The following FSTL3 variants were observed in gnomAD, a reference collection of about 807,000 sequenced individuals.
The protein encoded by FSTL3 is follistatin-related protein 3.
Under a neutral mutation model 28.1 loss-of-function variants are expected in FSTL3, and 21 were observed. The ratio of observed to expected loss-of-function variants is 0.75; its 90% CI spans 0.53 to 1.08. FSTL3 has a LOEUF of 1.08. Among genes scored for constraint, FSTL3 ranks in the 50% least tolerant of loss-of-function variants. The probability of loss-of-function intolerance (pLI) is 0.00; values close to 1 mark genes in which losing one functional copy is unlikely to be tolerated. For synonymous variants in FSTL3, 199 were observed against 164.2 expected (o/e 1.21, Z -1.62); for missense variants, 400 against 380.9 (o/e 1.05, Z -0.42).
intron 2 of FSTL3, among the ~76,000 whole-genome samples, chr19:679,236 C>T (rs1399092638): frequency 6.6e-6 from 1 of 152,174 alleles, no homozygotes; most frequent in Non-Finnish European, 1.5e-5. Context: ...TTCTCGCTCG[C>T]ATAAAAGCCA....
intron 2 of FSTL3, 36 bp from the exon 3 acceptor site, chr19:680,238 C>A (rs1257506050): frequency 6.9e-6 from 9 of 1,301,094 alleles, no homozygotes; most frequent in South Asian, 1.8e-5. Flanking sequence ...GGGACCCTCC[C>A]GCGCCCGGCC....
chr19:680,266 GT>G lies in FSTL3; in HGVS notation c.290-7del, dbSNP rs2031299479. 1 of 1,337,346 alleles carries G rather than the reference GT, an allele frequency of 7.5e-7. No individual in the cohort carries two copies. Among genetic ancestry groups the G allele is most frequent in the Admixed American group, 3.5e-5 (1 of 28,264 alleles). 82.8% of individuals were successfully genotyped at this position (1,337,346 alleles called of 1,614,324 possible). ...GCCCGGCCCCACGCGCGTGTCCTCT[GT>G]CCGCAGATTCGTGCGACGGCGTGGA... On this transcript the variant is annotated splice_region_variant and splice_polypyrimidine_tract_variant and intron_variant, in intron 2 of 4. Coordinates refer to ENST00000166139, the MANE Select transcript of FSTL3 (RefSeq NM_005860.3).
chr19:677,733 G>A (rs1169106335), intron 1 of FSTL3, 59 bp from the exon 2 acceptor site: 31 of 1,488,328 alleles, frequency 2.1e-5, no homozygotes, highest in Admixed American at 1.2e-4. Context: ...ATCTGTGGGC[G>A]GGCCAGAAGC....
rs377720232 is a variant in FSTL3 at position 681,490 on chromosome 19, G to A, written c.663G>A (p.Ser221=). 3 of 1,603,970 alleles carry A rather than the reference G, an allele frequency of 1.9e-6. No homozygotes were observed. Among genetic ancestry groups the A allele is most frequent in the South Asian group, 1.1e-5 (1 of 91,062 alleles). ...CGNNNVTYIS[S]CHMRQATCFL... is the part of the protein sequence containing the mutation. ...ACAACAACGTCACCTACATCTCCTC[G>A]TGCCACATGCGCCAGGCCACCTGCT... Residue 221 remains serine (S), a synonymous_variant, in exon 4 of 5, where the codon TCG becomes TCA. Coordinates refer to ENST00000166139, the MANE Select transcript of FSTL3 (RefSeq NM_005860.3).
chr19:680,235 TC>T, intron 2 of FSTL3, 38 bp from the exon 3 acceptor site: 1 of 1,291,254 alleles, frequency 7.7e-7, no homozygotes, highest in Non-Finnish European at 9.9e-7. Context: ...CCCGGGACCC[TC>T]CCGCGCCCGG....
chr19:678,668 A>G (rs557311188), intron 2 of FSTL3, among the ~76,000 whole-genome samples: 1 of 151,620 alleles, frequency 6.6e-6, no homozygotes, highest in Admixed American at 6.6e-5. Context: ...GCGCCACCAC[A>G]CCTGGCTAAT....
rs1369872004 is a variant in FSTL3, at chr19:679,558, C to G, written c.290-716C>G. On this transcript the variant is annotated intron_variant, in intron 2 of 4. Coordinates refer to ENST00000166139, the MANE Select transcript of FSTL3 (RefSeq NM_005860.3). ...GGGCCCCTGCACTCATAGCTGCGACCCGGCCTCAGTTTCCCCATCTGTAAA... is the reference window on the plus strand; with the variant it reads ...GGGCCCCTGCACTCATAGCTGCGACGCGGCCTCAGTTTCCCCATCTGTAAA... Among the ~76,000 whole-genome samples the G allele has an allele frequency of 3.9e-5, 6 of 152,236 alleles. No individual in the cohort carries two copies. In the East Asian group the frequency reaches 7.7e-4, roughly 19 times the overall value.
chr19:678,536 A>G (rs1600658764), intron 2 of FSTL3, among the ~76,000 whole-genome samples: 1 of 101,486 alleles, frequency 9.9e-6, no homozygotes, highest in Admixed American at 1.5e-4. Flanking sequence ...CCTGAGATGG[A>G]GCCTCGCTCT....
At position 681,691 on chromosome 19, in the gene FSTL3, G is replaced by A. The variant is rs1324954476; in HGVS notation, c.775G>A (p.Glu259Lys). The change falls in exon 5 of 5, where the codon GAA (glutamate) becomes AAA (lysine). Residue 259 changes from glutamate (E) to lysine (K), a missense_variant. Transcript: ENST00000166139. ...EPPGGESAEE[E>K]ENFV is the part of the protein sequence containing the mutation. ...GCCAGGTGGTGAGTCTGCAGAAGAGGAAGAGAACTTCGTGTGAGCCTGCAG... is the reference window on the plus strand; with the variant it reads ...GCCAGGTGGTGAGTCTGCAGAAGAGAAAGAGAACTTCGTGTGAGCCTGCAG... The A allele has an allele frequency of 7.0e-6, 11 of 1,563,852 alleles. No homozygotes were observed. The highest frequency in any genetic ancestry group is 4.1e-5 in the African/African-American group (3 of 73,682).
At chr19:678,005 G>C (rs2031248092) in intron 2 of FSTL3, 28 bp downstream of exon 2, 1 of 1,602,536 alleles carries the variant, frequency 6.2e-7, no homozygotes, top group South Asian at 1.1e-5. Context: ...AAGCAGGGCA[G>C]ACGTCTCAGC....
rs1323724534 is a variant in FSTL3, at chr19:682,863, ACG to A, written c.*1157_*1158del. The A allele has an allele frequency of 1.3e-4, 30 of 232,332 alleles. No individual in the cohort carries two copies. The highest frequency in any genetic ancestry group is 6.2e-4 in the African/African-American group (28 of 45,286). 14.4% of individuals were successfully genotyped at this position (232,332 alleles called of 1,614,324 possible). ...GAGGGGGGTGTAGACGCCAAGACTC[ACG>A]CATGTGTGACATCCGGAGTCCTGGA... On this transcript the variant is annotated 3_prime_UTR_variant, in exon 5 of 5. Coordinates refer to ENST00000166139, the MANE Select transcript of FSTL3 (RefSeq NM_005860.3).
chr19:680,218 C>T, intron 2 of FSTL3, 56 bp from the exon 3 acceptor site: 1 of 1,179,056 alleles, frequency 8.5e-7, no homozygotes, highest in Non-Finnish European at 1.1e-6. Flanking sequence ...CTTCGCGCGG[C>T]CCCACGCCCG....
Position 677,914 on chromosome 19 carries a change from C to T in FSTL3, c.226C>T (p.His76Tyr), listed in dbSNP as rs1643911334. The change falls in exon 2 of 5, where the codon CAC (histidine) becomes TAC (tyrosine). Residue 76 changes from histidine to tyrosine, a missense_variant. By Grantham distance (83) the His-to-Tyr change is moderately conservative. Transcript: ENST00000166139. ...TGACACCGCCTGGTCCAACCTCACC[C>T]ACCCGGGGAACAAGATCAACCTCCT... The part of the protein sequence containing the change: ...NIDTAWSNLT[H>Y]PGNKINLLGF... 1 of 1,613,662 alleles carries T rather than the reference C, an allele frequency of 6.2e-7. No individual in the cohort carries two copies. The highest frequency in any genetic ancestry group is 1.3e-5 in the African/African-American group (1 of 75,048).
chr19:676,643 C>T (rs2031216934), intron 1 of FSTL3, 117 bp downstream of exon 1: 1 of 309,204 alleles, frequency 3.2e-6, no homozygotes, highest in Non-Finnish European at 5.7e-6. Context: ...GGGCGGTGTC[C>T]GGCGCAAGCT....
rs746340285 is a variant in FSTL3, at chr19:680,302, G to C, written c.318G>C (p.Pro106=). ...KDSCDGVECG[P]GKACRMLGGR... The stretch of plus-strand genomic sequence containing the variant: ...CGTGCGACGGCGTGGAGTGCGGCCC[G>C]GGCAAGGCGTGCCGCATGCTGGGGG... The change falls in exon 3 of 5, where the codon CCG becomes CCC. Residue 106 remains proline (P), a synonymous_variant. Transcript: ENST00000166139. 3 of 1,301,512 alleles carry C rather than the reference G, an allele frequency of 2.3e-6. No homozygotes were observed. Among genetic ancestry groups the C allele is most frequent in the Admixed American group, 8.2e-5 (2 of 24,394 alleles). The allele number at this position is 1,301,512 out of a possible 1,614,324, so 80.6% of individuals were successfully genotyped here.
Position 680,262 on chromosome 19 carries a change from CT to C in FSTL3, c.290-11del. ...CCGCGCCCGGCCCCACGCGCGTGTC[CT>C]CTGTCCGCAGATTCGTGCGACGGCG... On this transcript the variant is annotated splice_polypyrimidine_tract_variant and intron_variant, in intron 2 of 4. Transcript: ENST00000166139. The C allele has an allele frequency of 7.5e-7, 1 of 1,338,056 alleles. No homozygotes were observed. The highest frequency in any genetic ancestry group is 1.7e-5 in the South Asian group (1 of 57,320). 82.9% of individuals were successfully genotyped at this position (1,338,056 alleles called of 1,614,324 possible).
At position 682,433 on chromosome 19, in the gene FSTL3, T is replaced by C. The variant is rs2031360418; in HGVS notation, c.*725T>C. On this transcript the variant is annotated 3_prime_UTR_variant, in exon 5 of 5. Transcript: ENST00000166139. ...GCCTGGGTGTGTACGGAGGGTCTAGTCTGAGTGCGTGTGGGGACCTCAGAA... is the reference window on the plus strand; with the variant it reads ...GCCTGGGTGTGTACGGAGGGTCTAGCCTGAGTGCGTGTGGGGACCTCAGAA... 4.3e-6 allele frequency: 1 copy of C among 234,030 alleles called. No individual in the cohort carries two copies. Among genetic ancestry groups the C allele is most frequent in the East Asian group, 6.0e-5 (1 of 16,530 alleles). The allele number at this position is 234,030 out of a possible 1,614,324, so 14.5% of individuals were successfully genotyped here.
intron 2 of FSTL3, 52 bp from the exon 3 acceptor site, chr19:680,222 A>G: frequency 8.2e-7 from 1 of 1,214,278 alleles, no homozygotes; most frequent in African/African-American, 1.6e-5. Flanking sequence ...GCGCGGCCCC[A>G]CGCCCGGGAC....
intron 2 of FSTL3, 106 bp from the exon 3 acceptor site, chr19:680,168 C>G: frequency 1.6e-6 from 1 of 628,602 alleles, no homozygotes. Flanking sequence ...GCGCCCCCGC[C>G]TCCGCCCTGC....
Sources: allele counts gnomAD v4.1 joint callset (sites outside exome capture counted in the v4.1 genomes callset), GRCh38; gene constraint gnomAD v4.1.1; transcripts MANE v1.5; gene names NCBI Gene and HGNC (gene_info 2026-07-23, HGNC 2026-07-21).